The following XKR6 variants were observed in gnomAD, a reference collection of about 807,000 sequenced individuals.
XKR6 encodes the protein XK-related protein 6.
XKR6 carries 22 observed loss-of-function variants against 56.7 expected under a neutral mutation model. The ratio of observed to expected loss-of-function variants is 0.39; its 90% CI spans 0.28 to 0.55. The LOEUF is 0.55. Ranked by LOEUF, XKR6 falls within the 20% of genes least tolerant of loss-of-function variation. The pLI is 0.66. For synonymous variants in XKR6, 524 were observed against 387.8 expected (o/e 1.35, Z -4.13); for missense variants, 852 against 889.0 (o/e 0.96, Z 0.53).
intron 1 of XKR6, among the ~76,000 whole-genome samples, chr8:11,197,132 C>G (rs936809380): frequency 6.6e-6 from 1 of 152,194 alleles, no homozygotes; most frequent in Non-Finnish European, 1.5e-5. Flanking sequence ...CATCCCATCT[C>G]ACAAGATAAA....
intron 1 of XKR6, among the ~76,000 whole-genome samples, chr8:10,948,943 G>T (rs187835860): frequency 6.6e-6 from 1 of 152,156 alleles, no homozygotes; most frequent in South Asian, 2.1e-4. Context: ...TCAGGTGATC[G>T]TCAATTCCCA....
chr8:11,186,433 G>C (rs980564219), intron 1 of XKR6, among the ~76,000 whole-genome samples: 3 of 152,306 alleles, frequency 2.0e-5, no homozygotes, highest in South Asian at 4.1e-4. Context: ...CCAGGCTGCA[G>C]TGGCACAATC....
chr8:10,957,559 C>G (rs1801927659), intron 1 of XKR6, among the ~76,000 whole-genome samples: 1 of 152,164 alleles, frequency 6.6e-6, no homozygotes, highest in Non-Finnish European at 1.5e-5. Context: ...GACAGATAGG[C>G]AGACCCTGGG....
At position 11,201,383 on chromosome 8, in the gene XKR6, C is replaced by CGG. The variant is rs553226221; in HGVS notation, c.-46_-45dup. On this transcript the variant is annotated 5_prime_UTR_variant, in exon 1 of 3. Coordinates refer to ENST00000416569, the MANE Select transcript of XKR6 (RefSeq NM_173683.4). Reference sequence around the variant, plus strand: ...TCCGGAGGTTGGGGGGGAGGGACGGCGGGGGGGGGGGGAAGAAGGCAGGGA... The same window carrying CGG: ...TCCGGAGGTTGGGGGGGAGGGACGGCGGGGGGGGGGGGGGAAGAAGGCAGGGA... 2.5e-3 allele frequency: 397 copies of CGG among 156,224 alleles called. 1 individual carries two copies. The highest frequency in any genetic ancestry group is 4.8e-3 in the African/African-American group (88 of 18,352). The allele number at this position is 156,224 out of a possible 1,614,324, so 9.7% of individuals were successfully genotyped here. A position where few individuals can be genotyped will look rare whatever the true frequency, so the allele number is the denominator to read the frequency against.
At chr8:11,097,960 C>T (rs1367495555) in intron 1 of XKR6, among the ~76,000 whole-genome samples, 3 of 151,776 alleles carry the variant, frequency 2.0e-5, no homozygotes, top group African/African-American at 7.3e-5. Flanking sequence ...TAATCACATG[C>T]CCATCAAATA....
intron 1 of XKR6, among the ~76,000 whole-genome samples, chr8:11,140,570 T>C (rs1211802584): frequency 6.6e-6 from 1 of 152,154 alleles, no homozygotes; most frequent in Non-Finnish European, 1.5e-5. Flanking sequence ...GGGACAGTTA[T>C]CACTAGACAA....
intron 1 of XKR6, among the ~76,000 whole-genome samples, chr8:11,094,828 C>G (rs1798215543): frequency 6.6e-6 from 1 of 152,188 alleles, no homozygotes; most frequent in Non-Finnish European, 1.5e-5. Context: ...CTGCACCTTC[C>G]CTCTCCTCTC....
At chr8:10,992,509 G>C (rs1303415339) in intron 1 of XKR6, among the ~76,000 whole-genome samples, 1 of 152,186 alleles carries the variant, frequency 6.6e-6, no homozygotes, top group African/African-American at 2.4e-5. Flanking sequence ...CCTTCAGACA[G>C]TGAGAAACTC....
intron 1 of XKR6, among the ~76,000 whole-genome samples, chr8:11,170,359 T>C (rs897414146): frequency 6.6e-6 from 1 of 152,242 alleles, no homozygotes; most frequent in Admixed American, 6.5e-5. Context: ...CAATGGAATA[T>C]TAGTCAGTCA....
intron 1 of XKR6, among the ~76,000 whole-genome samples, chr8:11,164,458 T>C (rs1801970051): frequency 6.6e-6 from 1 of 152,172 alleles, no homozygotes; most frequent in African/African-American, 2.4e-5. Context: ...TATGGGTTCC[T>C]GTGGGGAAAA....
rs565656604 is a variant in XKR6, at chr8:10,896,962, C to A, written c.*990G>T. Reference sequence around the variant, plus strand: ...AAGTATTGTGCCTTTAAACTGATGTCGTTCTTTTTGCTACTATGCTGAGTT... The same window carrying A: ...AAGTATTGTGCCTTTAAACTGATGTAGTTCTTTTTGCTACTATGCTGAGTT... On this transcript the variant is annotated 3_prime_UTR_variant, in exon 3 of 3. Coordinates refer to ENST00000416569, the MANE Select transcript of XKR6 (RefSeq NM_173683.4). The A allele has an allele frequency of 1.6e-4, 25 of 152,620 alleles. No individual in the cohort carries two copies. The highest frequency in any genetic ancestry group is 5.8e-4 in the African/African-American group (24 of 41,516). 9.5% of individuals were successfully genotyped at this position (152,620 alleles called of 1,614,324 possible). A position where few individuals can be genotyped will look rare whatever the true frequency, so the allele number is the denominator to read the frequency against.
chr8:10,944,354 A>G (rs11780501), intron 1 of XKR6, among the ~76,000 whole-genome samples: 32,277 of 152,138 alleles, frequency 0.21, 4,588 homozygotes, highest in African/African-American at 0.4. Flanking sequence ...ACCCACAACG[A>G]GACAGGTTTC....
At chr8:11,083,441 C>T (rs541766503) in intron 1 of XKR6, among the ~76,000 whole-genome samples, 5 of 152,208 alleles carry the variant, frequency 3.3e-5, no homozygotes, top group African/African-American at 4.8e-5. Context: ...TCACACCGAT[C>T]GCCCCTGGGA....
chr8:11,053,285 T>A (rs1194947771), intron 1 of XKR6, among the ~76,000 whole-genome samples: 1 of 152,110 alleles, frequency 6.6e-6, no homozygotes, highest in African/African-American at 2.4e-5. Flanking sequence ...ATTTCCAAAG[T>A]CTCTAAAGTC....
chr8:11,016,476 A>C (rs1452722490), intron 1 of XKR6, among the ~76,000 whole-genome samples: 1 of 152,122 alleles, frequency 6.6e-6, no homozygotes, highest in Non-Finnish European at 1.5e-5. Context: ...AACAAGCTAG[A>C]TCCTGAGCCC....
intron 1 of XKR6, 90 bp from the exon 2 acceptor site, chr8:10,924,920 C>T: frequency 7.2e-7 from 1 of 1,381,420 alleles, no homozygotes; most frequent in South Asian, 1.3e-5. Flanking sequence ...CCAAGAGACT[C>T]AGCATCCCCC....
intron 2 of XKR6, 58 bp downstream of exon 2, chr8:10,924,576 C>T (rs1203331974): frequency 7.7e-6 from 12 of 1,553,646 alleles, no homozygotes; most frequent in South Asian, 2.4e-5. Context: ...GGGAGGCGGC[C>T]GTGGTCCCCA....
In XKR6 at chr8:11,200,727, G is replaced by T. The variant is rs752115227; in HGVS notation, c.613C>A (p.Pro205Thr). ...TGGACGTAGCCGGCCCCCATCATGGGGGGGCCCCGGCTGGTGAGCCCCTCC... is the reference window on the plus strand; with the variant it reads ...TGGACGTAGCCGGCCCCCATCATGGTGGGGCCCCGGCTGGTGAGCCCCTCC... The part of the protein sequence containing the change: ...AVEGLTSRGP[P>T]MMGAGYVHGA... The change falls in exon 1 of 3, where the codon CCC becomes ACC. Residue 205 changes from proline to threonine, a missense_variant. This residue lies in a region of XKR6 where 417 missense variants were observed against 355.2 expected (regional missense o/e 1.17). Transcript: ENST00000416569. The surrounding 1 kb of genome is among the most constrained non-coding windows in gnomAD (Gnocchi z 6.4). The T allele has an allele frequency of 1.9e-6, 3 of 1,590,356 alleles. No homozygotes were observed. The highest frequency in any genetic ancestry group is 1.7e-6 in the Non-Finnish European group (2 of 1,171,928).
chr8:11,126,621 T>C (rs1360318393), intron 1 of XKR6, among the ~76,000 whole-genome samples: 1 of 152,172 alleles, frequency 6.6e-6, no homozygotes, highest in Non-Finnish European at 1.5e-5. Context: ...CCTTCTAGAA[T>C]TGTAGTCACC....
Sources: gnomAD v4.1 joint callset for allele counts (sites outside exome capture counted in the v4.1 genomes callset) on GRCh38, gnomAD v4.1.1 for gene constraint, gnomAD v4.1.1 regional missense constraint, Gnocchi (gnomAD v3.1) non-coding constraint, MANE v1.5 for transcripts, NCBI Gene and HGNC (gene_info 2026-07-23, HGNC 2026-07-21) for gene names.